The following PRKG1 variants were observed in gnomAD, a reference collection of about 807,000 sequenced individuals.
The protein encoded by PRKG1 is protein kinase cGMP-dependent 1, also known as cGMP-dependent protein kinase 1.
In PRKG1, 35 loss-of-function variants were observed where a neutral mutation model predicts 88.1. The ratio of observed to expected loss-of-function variants is 0.40; its 90% CI spans 0.30 to 0.53. PRKG1 has a LOEUF of 0.53. PRKG1 is among the 20% of genes least tolerant of loss of function. The probability of loss-of-function intolerance (pLI) is 0.59; values close to 1 mark genes in which losing one functional copy is unlikely to be tolerated. For synonymous variants in PRKG1, 303 were observed against 292.5 expected (o/e 1.04, Z -0.37); for missense variants, 540 against 839.8 (o/e 0.64, Z 4.41).
intron 3 of PRKG1, among the ~76,000 whole-genome samples, chr10:51,589,358 T>C (rs1651134437): frequency 6.6e-6 from 1 of 152,184 alleles, no homozygotes; most frequent in South Asian, 2.1e-4. Context: ...GCACAGTGGC[T>C]CACAGCTGTA....
intron 5 of PRKG1, among the ~76,000 whole-genome samples, chr10:51,936,286 T>A (rs1184524184): frequency 6.6e-6 from 1 of 152,026 alleles, no homozygotes; most frequent in Non-Finnish European, 1.5e-5. Flanking sequence ...TTTATTTAAC[T>A]TTTTTCCCTG....
At chr10:51,421,321 T>A (rs1291407624) in intron 2 of PRKG1, among the ~76,000 whole-genome samples, 2 of 152,108 alleles carry the variant, frequency 1.3e-5, no homozygotes, top group Non-Finnish European at 2.9e-5. Flanking sequence ...ATGAGGCACA[T>A]GTCACCATGC....
intron 5 of PRKG1, among the ~76,000 whole-genome samples, chr10:51,957,356 A>G (rs1016705887): frequency 2.0e-5 from 3 of 150,758 alleles, no homozygotes; most frequent in South Asian, 2.1e-4. Flanking sequence ...CAGTGGCACA[A>G]TCATAGCTCA....
intron 3 of PRKG1, among the ~76,000 whole-genome samples, chr10:51,785,583 A>T (rs920241624): frequency 6.6e-6 from 1 of 152,088 alleles, no homozygotes; most frequent in South Asian, 2.1e-4. Flanking sequence ...TTTTCACAAT[A>T]CTAAGTGGAG....
At chr10:51,445,861 TA>T (rs985859222) in intron 2 of PRKG1, among the ~76,000 whole-genome samples, 29 of 146,306 alleles carry the variant, frequency 2.0e-4, no homozygotes, top group Middle Eastern at 3.5e-3. Context: ...AACACTCACT[TA>T]AAAAAAAAAA....
chr10:52,234,595 C>A (rs1398650991), intron 9 of PRKG1, among the ~76,000 whole-genome samples: 1 of 141,872 alleles, frequency 7.0e-6, no homozygotes, highest in South Asian at 2.3e-4. Flanking sequence ...TGAAATGAAG[C>A]GAGAAGGGAA....
chr10:51,153,054 C>T (rs1458830178), intron 1 of PRKG1, 110 bp from the exon 2 acceptor site: 1 of 608,406 alleles, frequency 1.6e-6, no homozygotes, highest in Non-Finnish European at 2.3e-6. Context: ...GGATTCCTAA[C>T]AAGAAAATAC....
intron 3 of PRKG1, among the ~76,000 whole-genome samples, chr10:51,554,442 GTA>G (rs201451352): frequency 6.6e-4 from 85 of 128,922 alleles, no homozygotes; most frequent in South Asian, 1.0e-3. Flanking sequence ...GTGTGTGTGT[GTA>G]TATATATATC....
chr10:51,370,376 CG>C (rs1248261573), intron 2 of PRKG1, among the ~76,000 whole-genome samples: 1 of 151,718 alleles, frequency 6.6e-6, no homozygotes, highest in Non-Finnish European at 1.5e-5. Context: ...TTTTTCCTAG[CG>C]GGATGAGAGT....
At chr10:51,141,481 T>C (rs562941063) in intron 1 of PRKG1, among the ~76,000 whole-genome samples, 1 of 152,344 alleles carries the variant, frequency 6.6e-6, no homozygotes, top group South Asian at 2.1e-4. Flanking sequence ...TTTAAATCAC[T>C]TTGTGGATAA....
chr10:52,274,699 CTTCTT>C lies in PRKG1; in HGVS notation c.1403+2222_1403+2226del, dbSNP rs550007441. ...TGCAAGTATCTTTTTTGAATAATGA[CTTCTT>C]TTCATCTGGGTCAAATGGTAATTCT... On this transcript the variant is annotated intron_variant, in intron 12 of 17. Transcript: ENST00000373980. 3.0e-3 allele frequency among the ~76,000 whole-genome samples: 454 copies of C among 151,470 alleles called. 1 individual carries two copies. Among genetic ancestry groups the C allele is most frequent in the African/African-American group, 0.011 (437 of 41,406 alleles).
chr10:52,065,077 C>T (rs778531561), intron 7 of PRKG1, among the ~76,000 whole-genome samples: 28 of 152,082 alleles, frequency 1.8e-4, no homozygotes, highest in Non-Finnish European at 3.8e-4. Context: ...AAGAAGCAAG[C>T]ACTTGGGGGT....
intron 9 of PRKG1, among the ~76,000 whole-genome samples, chr10:52,210,518 G>C (rs1315034221): frequency 1.3e-5 from 2 of 152,030 alleles, no homozygotes; most frequent in East Asian, 3.8e-4. Flanking sequence ...TCTCACGGTA[G>C]GTTATTTGTT....
intron 7 of PRKG1, among the ~76,000 whole-genome samples, chr10:52,106,888 T>C (rs752260483): frequency 3.3e-5 from 5 of 152,128 alleles, no homozygotes; most frequent in Non-Finnish European, 2.9e-5. Flanking sequence ...CTAGTTTCTA[T>C]ATATTTTCAG....
At chr10:51,021,593 A>C (rs1218461785) in intron 1 of PRKG1, among the ~76,000 whole-genome samples, 6 of 152,202 alleles carry the variant, frequency 3.9e-5, no homozygotes, top group Non-Finnish European at 7.3e-5. Flanking sequence ...GACTGTGTGG[A>C]GTAGATAAAA....
chr10:51,559,922 A>G (rs1193799098), intron 3 of PRKG1, among the ~76,000 whole-genome samples: 3 of 152,160 alleles, frequency 2.0e-5, no homozygotes, highest in African/African-American at 4.8e-5. Flanking sequence ...AACCAAAAGT[A>G]TCCTCTCCCT....
chr10:52,055,089 T>C (rs1466219529), intron 6 of PRKG1, among the ~76,000 whole-genome samples: 2 of 152,212 alleles, frequency 1.3e-5, no homozygotes, highest in African/African-American at 2.4e-5. Flanking sequence ...TGAGCCAAGA[T>C]GGTGCCATTG....
At chr10:52,263,830 C>G (rs1326305310) in intron 10 of PRKG1, among the ~76,000 whole-genome samples, 1 of 152,072 alleles carries the variant, frequency 6.6e-6, no homozygotes, top group African/African-American at 2.4e-5. Flanking sequence ...CTCAGCCTCC[C>G]AAAGTGCTGG....
intron 5 of PRKG1, among the ~76,000 whole-genome samples, chr10:52,033,530 A>C (rs1005033489): frequency 1.3e-5 from 2 of 152,180 alleles, no homozygotes; most frequent in Non-Finnish European, 2.9e-5. Context: ...CTATTTAGCT[A>C]TTCCCAGCCT....
Sources: gnomAD v4.1 joint callset for allele counts (sites outside exome capture counted in the v4.1 genomes callset) on GRCh38, gnomAD v4.1.1 for gene constraint, MANE v1.5 for transcripts, NCBI Gene and HGNC (gene_info 2026-07-23, HGNC 2026-07-21) for gene names.